Variants in MFAP3L observed in about 807,000 individuals in gnomAD.
MFAP3L encodes microfibril associated protein 3 like.
In MFAP3L, 5 loss-of-function variants were observed where a neutral mutation model predicts 20.0. That is an observed-to-expected ratio of 0.25 (90% CI 0.13 to 0.53). MFAP3L has a LOEUF of 0.53. MFAP3L is among the 20% of genes least tolerant of loss of function. The pLI is 0.96. For missense variants in MFAP3L, 409 were observed against 527.5 expected, an observed-to-expected ratio of 0.78 and a Z score of 2.20; for synonymous variants, 219 against 213.0, an observed-to-expected ratio of 1.03 and a Z score of -0.25.
chr4:170,005,927 T>A lies in MFAP3L; in HGVS notation c.-50A>T. On this transcript the variant is annotated 5_prime_UTR_variant, in exon 2 of 3. Coordinates refer to ENST00000361618, the MANE Select transcript of MFAP3L (RefSeq NM_021647.8). ...ATAGAGAGATGGTTTGCCAACCGAA[T>A]CTTCTATCAGACAACACACTGTTCA... The A allele has an allele frequency of 6.4e-7, 1 of 1,572,966 alleles. No homozygotes were observed. The highest frequency in any genetic ancestry group is 1.3e-5 in the African/African-American group (1 of 74,230).
chr4:170,001,548 TATCTC>T (rs1394820062), intron 2 of MFAP3L, among the ~76,000 whole-genome samples: 2 of 152,336 alleles, frequency 1.3e-5, no homozygotes, highest in African/African-American at 4.8e-5. Context: ...CCTCGTTACT[TATCTC>T]AGAGAGGTGC....
Position 169,997,650 on chromosome 4 carries a change from C to T in MFAP3L, c.299-5341G>A, listed in dbSNP as rs1007683245. The T allele has an allele frequency of 1.8e-5, 17 of 920,886 alleles. No individual in the cohort carries two copies. In the African/African-American group the frequency reaches 2.3e-4, roughly 13 times the overall value. The allele number at this position is 920,886 out of a possible 1,614,324, so 57.0% of individuals were successfully genotyped here. On this transcript the variant is annotated intron_variant, in intron 2 of 2. Coordinates refer to ENST00000361618, the MANE Select transcript of MFAP3L (RefSeq NM_021647.8). Reference sequence around the variant, plus strand: ...TCAGGTTGCCAGAATAAAGGGGAGTCGCTAGTGACATTGTTGGCAGTGGAA... The same window carrying T: ...TCAGGTTGCCAGAATAAAGGGGAGTTGCTAGTGACATTGTTGGCAGTGGAA...
At chr4:170,013,361 C>T (rs1483489357) in intron 1 of MFAP3L, among the ~76,000 whole-genome samples, 1 of 152,028 alleles carries the variant, frequency 6.6e-6, no homozygotes, top group African/African-American at 2.4e-5. Context: ...AGAAAAAGAA[C>T]CACAAACCCT....
chr4:170,004,022 T>C (rs1259624313), intron 2 of MFAP3L, among the ~76,000 whole-genome samples: 2 of 152,172 alleles, frequency 1.3e-5, no homozygotes, highest in Non-Finnish European at 2.9e-5. Flanking sequence ...AGTGGCGTGA[T>C]CTCTGCTCAC....
At chr4:170,016,577 T>A (rs535893188) in intron 1 of MFAP3L, among the ~76,000 whole-genome samples, 2 of 152,216 alleles carry the variant, frequency 1.3e-5, no homozygotes, top group Non-Finnish European at 2.9e-5. Flanking sequence ...TGCGCTCCCA[T>A]TAGGATGGGA....
rs1186708842 is a variant in MFAP3L at position 169,988,274 on chromosome 4, T to C, written c.*3104A>G. 6.6e-6 allele frequency: 1 copy of C among 152,200 alleles called. No homozygotes were observed. The highest frequency in any genetic ancestry group is 2.4e-5 in the African/African-American group (1 of 41,452). 9.4% of individuals were successfully genotyped at this position (152,200 alleles called of 1,614,324 possible). A position where few individuals can be genotyped will look rare whatever the true frequency, so the allele number is the denominator to read the frequency against. The stretch of plus-strand genomic sequence containing the variant: ...TATATAAAACAAAACCATTATAAAT[T>C]ACATAGATTTTTCCATATAAAATTG... On this transcript the variant is annotated 3_prime_UTR_variant, in exon 3 of 3. Transcript: ENST00000361618.
chr4:169,993,084 T>C (rs184767958), intron 2 of MFAP3L, among the ~76,000 whole-genome samples: 153 of 152,320 alleles, frequency 1.0e-3, no homozygotes, highest in African/African-American at 3.5e-3. Context: ...GCGAGTTTTC[T>C]TACCCCCACC....
In MFAP3L at chr4:170,003,776, A is replaced by G. The variant is rs887336863; in HGVS notation, c.298+1804T>C. Reference sequence around the variant, plus strand: ...AGCGATAGCTCAGCCCTGCAGAAAGACCTGCTAAGGTACCTGGCCTGCAGT... The same window carrying G: ...AGCGATAGCTCAGCCCTGCAGAAAGGCCTGCTAAGGTACCTGGCCTGCAGT... On this transcript the variant is annotated intron_variant, in intron 2 of 2. Transcript: ENST00000361618. 4.1e-5 allele frequency: 40 copies of G among 985,326 alleles called. No homozygotes were observed. In the African/African-American group the frequency reaches 7.0e-4, roughly 17 times the overall value. The allele number at this position is 985,326 out of a possible 1,614,324, so 61.0% of individuals were successfully genotyped here.
intron 2 of MFAP3L, among the ~76,000 whole-genome samples, chr4:169,993,364 T>C (rs1237171814): frequency 2.6e-5 from 4 of 152,146 alleles, no homozygotes; most frequent in Non-Finnish European, 4.4e-5. Flanking sequence ...AACATTCTAG[T>C]TCCCCGAGCC....
chr4:170,009,238 C>G (rs532805671), intron 1 of MFAP3L, among the ~76,000 whole-genome samples: 38 of 151,928 alleles, frequency 2.5e-4, no homozygotes, highest in Non-Finnish European at 4.4e-4. Flanking sequence ...CAAAAATTAG[C>G]CGGGCGTGGT....
chr4:170,019,735 T>C (rs1026322885), intron 1 of MFAP3L, among the ~76,000 whole-genome samples: 4 of 152,186 alleles, frequency 2.6e-5, no homozygotes, highest in African/African-American at 9.7e-5. Flanking sequence ...GAGCAAACCC[T>C]TCCCTTACGA....
At position 170,005,870 on chromosome 4, in the gene MFAP3L, C is replaced by T. The variant is rs201918347; in HGVS notation, c.8G>A (p.Arg3Gln). ...GCACACAGTCAGATGGCTCTTCAAT[C>T]GATCCATCTTCTTTGCTTGCTCTGT... is the stretch of plus-strand genomic sequence containing the variant. The part of the protein sequence containing the change: MD[R>Q]LKSHLTVCFL... Residue 3 changes from arginine (R) to glutamine (Q), a missense_variant, in exon 2 of 3, where the codon CGA becomes CAA. By Grantham distance (43) the Arg-to-Gln change is conservative. Coordinates refer to ENST00000361618, the MANE Select transcript of MFAP3L (RefSeq NM_021647.8). 156 of 1,613,044 alleles carry T rather than the reference C, an allele frequency of 9.7e-5. No homozygotes were observed. Among genetic ancestry groups the T allele is most frequent in the Non-Finnish European group, 1.3e-4 (150 of 1,179,284 alleles).
At position 170,007,024 on chromosome 4, in the gene MFAP3L, T is replaced by A. The variant is rs118066615; in HGVS notation, c.-133-1014A>T. On this transcript the variant is annotated intron_variant, in intron 1 of 2. Transcript: ENST00000361618. The stretch of plus-strand genomic sequence containing the variant: ...GATCTAACCTTCACCTAGTCCTCTA[T>A]CCTCCATTTCATTCTAATTCTATAG... 6 of 152,278 alleles carry A rather than the reference T, an allele frequency of 3.9e-5. No homozygotes were observed. In the East Asian group the frequency reaches 1.2e-3, roughly 29 times the overall value. 9.4% of individuals were successfully genotyped at this position (152,278 alleles called of 1,614,324 possible).
chr4:170,019,234 A>G (rs1046719922), intron 1 of MFAP3L, among the ~76,000 whole-genome samples: 14 of 152,200 alleles, frequency 9.2e-5, no homozygotes, highest in African/African-American at 3.1e-4. Flanking sequence ...AGCCCTTGCT[A>G]ATTTCAAGAA....
In MFAP3L at chr4:169,986,787, T is replaced by C. The variant is rs1308990437; in HGVS notation, c.*4591A>G. The C allele has an allele frequency of 3.9e-5, 6 of 152,208 alleles. No homozygotes were observed. The highest frequency in any genetic ancestry group is 7.3e-5 in the Non-Finnish European group (5 of 68,030). 9.4% of individuals were successfully genotyped at this position (152,208 alleles called of 1,614,324 possible). On this transcript the variant is annotated 3_prime_UTR_variant, in exon 3 of 3. Coordinates refer to ENST00000361618, the MANE Select transcript of MFAP3L (RefSeq NM_021647.8). ...CATTTCTGTCGAGACATTTTTCCAT[T>C]TTCCAATTTTAACAAAGGACATCCA...
At chr4:170,011,166 G>A (rs1010251792) in intron 1 of MFAP3L, among the ~76,000 whole-genome samples, 2 of 152,266 alleles carry the variant, frequency 1.3e-5, no homozygotes, top group African/African-American at 4.8e-5. Context: ...CAGCCATGTG[G>A]AACTGTGAAT....
At position 169,994,816 on chromosome 4, in the gene MFAP3L, G is replaced by A. The variant is rs10520172; in HGVS notation, c.299-2507C>T. On this transcript the variant is annotated intron_variant, in intron 2 of 2. Coordinates refer to ENST00000361618, the MANE Select transcript of MFAP3L (RefSeq NM_021647.8). ...CTTAGCCCAGCACATTGGGTCCACAGACTAATGGTTTTCATATACTTTATC... is the reference window on the plus strand; with the variant it reads ...CTTAGCCCAGCACATTGGGTCCACAAACTAATGGTTTTCATATACTTTATC... Among the ~76,000 whole-genome samples, 2,945 of 152,292 alleles carry A rather than the reference G, an allele frequency of 0.019. 237 individuals are homozygous for A. The East Asian group carries it at 0.23, about 12-fold the overall frequency.
At chr4:170,021,995 C>A (rs1740066605) in intron 1 of MFAP3L, among the ~76,000 whole-genome samples, 1 of 152,178 alleles carries the variant, frequency 6.6e-6, no homozygotes, top group Non-Finnish European at 1.5e-5. Context: ...GAAATCTCAT[C>A]ATTCTCAAGT....
At chr4:170,002,334 GGATT>G (rs1324337440) in intron 2 of MFAP3L, 7 of 795,956 alleles carry the variant, frequency 8.8e-6, no homozygotes, top group Non-Finnish European at 1.1e-5. Context: ...GTATACATGA[GGATT>G]AATAACACTT....
Sources: allele counts gnomAD v4.1 joint callset (sites outside exome capture counted in the v4.1 genomes callset), GRCh38; gene constraint gnomAD v4.1.1; transcripts MANE v1.5; gene names NCBI Gene and HGNC (gene_info 2026-07-23, HGNC 2026-07-21).